RYR3: variants seen among roughly 807,000 people sequenced by gnomAD.
RYR3 encodes ryanodine receptor 3.
A neutral mutation model predicts 584.3 loss-of-function variants in RYR3; 207 were observed. The observed-to-expected ratio is 0.35, with a 90% CI of 0.32 to 0.40. The LOEUF (loss-of-function observed/expected upper bound fraction) is 0.40, where lower values mean the gene tolerates loss of function less well. RYR3 is among the 10% of genes least tolerant of loss of function. The pLI is 1.00. For synonymous variants in RYR3, 2,416 were observed against 2,248.5 expected, an observed-to-expected ratio of 1.07 and a Z score of -2.11; for missense variants, 5,616 against 6,089.2, an observed-to-expected ratio of 0.92 and a Z score of 2.59.
At chr15:33,687,651 G>C (rs190451419) in intron 38 of RYR3, among the ~76,000 whole-genome samples, 2 of 152,300 alleles carry the variant, frequency 1.3e-5, no homozygotes, top group East Asian at 3.9e-4. Context: ...TCACACTACT[G>C]ATTTCAAACT....
chr15:33,556,821 T>C (rs2057097073), intron 10 of RYR3, among the ~76,000 whole-genome samples: 1 of 152,190 alleles, frequency 6.6e-6, no homozygotes, highest in Non-Finnish European at 1.5e-5. Context: ...AATTCTTGTA[T>C]AAAACCATCC....
intron 80 of RYR3, among the ~76,000 whole-genome samples, chr15:33,821,870 A>G (rs1479426505): frequency 2.0e-5 from 3 of 152,238 alleles, no homozygotes; most frequent in East Asian, 3.8e-4. Context: ...AACTTTCTGT[A>G]TAAATATTCT....
At chr15:33,567,396 C>T (rs1184300709) in intron 12 of RYR3, among the ~76,000 whole-genome samples, 2 of 152,116 alleles carry the variant, frequency 1.3e-5, no homozygotes, top group African/African-American at 2.4e-5. Context: ...TGCAGTGTTC[C>T]AAGACCATTC....
At chr15:33,762,049 A>G (rs2072498325) in intron 60 of RYR3, among the ~76,000 whole-genome samples, 1 of 152,216 alleles carries the variant, frequency 6.6e-6, no homozygotes, top group East Asian at 1.9e-4. Context: ...CCTTCGATAA[A>G]ATTCAACACC....
intron 3 of RYR3, among the ~76,000 whole-genome samples, chr15:33,511,631 C>T (rs1448397639): frequency 2.6e-5 from 4 of 151,818 alleles, no homozygotes; most frequent in African/African-American, 4.8e-5. Context: ...ACTAGTGCAC[C>T]TCACCCTTCA....
At chr15:33,767,640 C>T (rs184312299) in intron 60 of RYR3, among the ~76,000 whole-genome samples, 114 of 152,306 alleles carry the variant, frequency 7.5e-4, no homozygotes, top group African/African-American at 2.5e-3. Context: ...TAAGGAGCTC[C>T]GTGATGAGTT....
chr15:33,371,749 G>C (rs922965375), intron 1 of RYR3, among the ~76,000 whole-genome samples: 1 of 152,190 alleles, frequency 6.6e-6, no homozygotes, highest in South Asian at 2.1e-4. Context: ...GCAGCACAAG[G>C]CTGGAGATTC....
chr15:33,792,766 T>C (rs1286993368), intron 67 of RYR3, among the ~76,000 whole-genome samples: 1 of 152,226 alleles, frequency 6.6e-6, no homozygotes, highest in Non-Finnish European at 1.5e-5. Context: ...ACAGACATTT[T>C]CATTGTATCT....
intron 1 of RYR3, among the ~76,000 whole-genome samples, chr15:33,399,364 C>T (rs185271736): frequency 3.0e-4 from 46 of 152,274 alleles, no homozygotes; most frequent in East Asian, 1.9e-3. Context: ...TGAGGCCAGG[C>T]GCAGTGGCTC....
At chr15:33,351,711 C>G (rs564035837) in intron 1 of RYR3, among the ~76,000 whole-genome samples, 21 of 150,292 alleles carry the variant, frequency 1.4e-4, no homozygotes, top group Non-Finnish European at 2.2e-4. Context: ...ATTCAACAAC[C>G]CTTCATGCTA....
chr15:33,744,111 A>T (rs978551944), intron 52 of RYR3, among the ~76,000 whole-genome samples: 6 of 152,114 alleles, frequency 3.9e-5, no homozygotes, highest in African/African-American at 1.4e-4. Context: ...TGAGCCTGCC[A>T]GATACCCGCC....
intron 1 of RYR3, among the ~76,000 whole-genome samples, chr15:33,468,042 G>A (rs1310016587): frequency 6.6e-6 from 1 of 152,134 alleles, no homozygotes; most frequent in East Asian, 1.9e-4. Flanking sequence ...GAGTAAGAGA[G>A]CCCGTTTGGT....
At chr15:33,728,164 C>A (rs1001989237) in intron 46 of RYR3, among the ~76,000 whole-genome samples, 1 of 152,110 alleles carries the variant, frequency 6.6e-6, no homozygotes, top group Admixed American at 6.5e-5. Flanking sequence ...TAAATCGAGC[C>A]CTGATTCCTA....
rs1390787655 is a variant in RYR3 at position 33,443,291 on chromosome 15, G to A, written c.52-30128G>A. Among the ~76,000 whole-genome samples the A allele has an allele frequency of 4.7e-5, 7 of 150,036 alleles. No homozygotes were observed. The South Asian group carries it at 1.5e-3, about 31-fold the overall frequency. On this transcript the variant is annotated intron_variant, in intron 1 of 103. Transcript: ENST00000634891. Reference sequence around the variant, plus strand: ...AAAAAAAAACCCTGCATAAACAAAAGTGCAGCATTTCTAGTTGACAGCTAA... The same window carrying A: ...AAAAAAAAACCCTGCATAAACAAAAATGCAGCATTTCTAGTTGACAGCTAA...
At chr15:33,404,585 G>GTTTTTTTTT (rs200311525) in intron 1 of RYR3, among the ~76,000 whole-genome samples, 3 of 127,760 alleles carry the variant, frequency 2.3e-5, no homozygotes, top group Admixed American at 7.3e-5. Flanking sequence ...ATTTACTACT[G>GTTTTTTTTT]TGTGTTTTTT....
chr15:33,851,771 A>G (rs1158540167), intron 94 of RYR3: 1 of 152,114 alleles, frequency 6.6e-6, no homozygotes, highest in Non-Finnish European at 1.5e-5. Flanking sequence ...GATTTAAGAG[A>G]AAGGAGGTAT....
intron 85 of RYR3, among the ~76,000 whole-genome samples, chr15:33,828,557 G>C (rs1160930599): frequency 6.6e-6 from 1 of 152,172 alleles, no homozygotes; most frequent in Admixed American, 6.5e-5. Flanking sequence ...TACTGAAATG[G>C]GGACAGTGCG....
In RYR3 at chr15:33,441,784, G is replaced by A. The variant is rs535044974; in HGVS notation, c.52-31635G>A. ...GCAAATGTCTTAAGACCTTACTGCT[G>A]TTGAATGTGAATTACCTGTCCCAGA... On this transcript the variant is annotated intron_variant, in intron 1 of 103. Coordinates refer to ENST00000634891, the MANE Select transcript of RYR3 (RefSeq NM_001036.6). Among the ~76,000 whole-genome samples, 3 of 152,162 alleles carry A rather than the reference G, an allele frequency of 2.0e-5. No individual in the cohort carries two copies. The South Asian group carries it at 6.2e-4, about 32-fold the overall frequency.
At chr15:33,754,644 C>G (rs945931146) in intron 57 of RYR3, among the ~76,000 whole-genome samples, 3 of 152,186 alleles carry the variant, frequency 2.0e-5, no homozygotes, top group Non-Finnish European at 4.4e-5. Flanking sequence ...AGAGGCTGGG[C>G]GCGGTGGCCG....
Sources: allele counts gnomAD v4.1 joint callset (sites outside exome capture counted in the v4.1 genomes callset), GRCh38; gene constraint gnomAD v4.1.1; transcripts MANE v1.5; gene names NCBI Gene and HGNC (gene_info 2026-07-23, HGNC 2026-07-21).